The following SLC25A40 variants were observed in gnomAD, a reference collection of about 807,000 sequenced individuals.
SLC25A40 encodes the protein solute carrier family 25 member 40, also known as mitochondrial glutathione transporter SLC25A40.
In SLC25A40, 41 loss-of-function variants were observed where a neutral mutation model predicts 46.5. The observed-to-expected ratio is 0.88, with a 90% confidence interval of 0.69 to 1.14. The LOEUF is 1.14. SLC25A40 is among the 50% of genes most tolerant of loss of function. SLC25A40 has a pLI of 0.00. For synonymous variants in SLC25A40, 126 were observed against 127.5 expected (o/e 0.99, Z 0.08); for missense variants, 386 against 393.6 (o/e 0.98, Z 0.16).
At chr7:87,838,233 C>T (rs1006746862) in intron 10 of SLC25A40, among the ~76,000 whole-genome samples, 4 of 151,452 alleles carry the variant, frequency 2.6e-5, no homozygotes, top group African/African-American at 9.7e-5. Context: ...GCAATTTTTA[C>T]TTCATGTTTA....
chr7:87,844,502 T>C (rs929481037), intron 8 of SLC25A40, among the ~76,000 whole-genome samples: 6 of 152,048 alleles, frequency 3.9e-5, no homozygotes, highest in Non-Finnish European at 7.4e-5. Flanking sequence ...TTCTTTAAAA[T>C]GGGAAAAATG....
Position 87,841,628 on chromosome 7 carries a change from C to A in SLC25A40, c.823+5G>T. ...TTAAAAATATTTTAAATTAATTAAA[C>A]TTACTTTTATGACTTTCATATGTCC... On this transcript the variant is annotated splice_donor_5th_base_variant and intron_variant, in intron 10 of 11. Transcript: ENST00000341119. 2 of 1,460,346 alleles carry A rather than the reference C, an allele frequency of 1.4e-6. No individual in the cohort carries two copies. The highest frequency in any genetic ancestry group is 1.8e-6 in the Non-Finnish European group (2 of 1,096,500). The allele number at this position is 1,460,346 out of a possible 1,614,324, so 90.5% of individuals were successfully genotyped here. A position where few individuals can be genotyped will look rare whatever the true frequency, so the allele number is the denominator to read the frequency against.
intron 4 of SLC25A40, among the ~76,000 whole-genome samples, chr7:87,855,399 G>A (rs968887314): frequency 5.3e-5 from 8 of 152,062 alleles, no homozygotes; most frequent in Non-Finnish European, 1.0e-4. Context: ...TTCTGTATCT[G>A]TACTGTACTG....
intron 10 of SLC25A40, among the ~76,000 whole-genome samples, chr7:87,837,889 A>G (rs773497207): frequency 4.0e-5 from 6 of 151,432 alleles, no homozygotes; most frequent in Non-Finnish European, 7.4e-5. Context: ...TTTACATAGA[A>G]GACAACCCTG....
At chr7:87,865,596 C>T (rs1332093639) in intron 1 of SLC25A40, among the ~76,000 whole-genome samples, 1 of 152,058 alleles carries the variant, frequency 6.6e-6, no homozygotes, top group African/African-American at 2.4e-5. Flanking sequence ...GAGGGCGAAA[C>T]CCCAACTCCG....
At chr7:87,852,810 C>T (rs1338686680) in intron 5 of SLC25A40, among the ~76,000 whole-genome samples, 4 of 152,106 alleles carry the variant, frequency 2.6e-5, no homozygotes, top group Non-Finnish European at 5.9e-5. Context: ...AGTGGACACC[C>T]ATAGGCAGCA....
intron 11 of SLC25A40, 131 bp downstream of exon 11, chr7:87,836,599 A>G (rs1357982758): frequency 5.3e-6 from 3 of 561,446 alleles, no homozygotes; most frequent in Admixed American, 7.9e-5. Flanking sequence ...ATTTTAACTT[A>G]TAATAAAGAT....
rs1419330864 is a variant in SLC25A40, at chr7:87,836,139, GGAAA to G, written c.*106_*109del. 3.5e-6 allele frequency: 2 copies of G among 569,130 alleles called. No homozygotes were observed. The highest frequency in any genetic ancestry group is 2.0e-5 in the African/African-American group (1 of 49,864). The allele number at this position is 569,130 out of a possible 1,614,324, so 35.3% of individuals were successfully genotyped here. A position where few individuals can be genotyped will look rare whatever the true frequency, so the allele number is the denominator to read the frequency against. On this transcript the variant is annotated 3_prime_UTR_variant, in exon 12 of 12. Transcript: ENST00000341119. ...GCTGAAATTATTTATTTAAATTATAGGAAAGAAAGACATAAAATCATTGTGAGAG... is the reference window on the plus strand; with the variant it reads ...GCTGAAATTATTTATTTAAATTATAGGAAAGACATAAAATCATTGTGAGAG...
intron 3 of SLC25A40, among the ~76,000 whole-genome samples, chr7:87,857,111 C>T (rs1357471922): frequency 6.6e-6 from 1 of 152,052 alleles, no homozygotes; most frequent in Non-Finnish European, 1.5e-5. Flanking sequence ...TGTCATTTGG[C>T]TACATCTACA....
rs750196634 is a variant in SLC25A40, at chr7:87,854,207, T to C, written c.261A>G (p.Thr87=). 14 of 1,594,472 alleles carry C rather than the reference T, an allele frequency of 8.8e-6. No homozygotes were observed. The highest frequency in any genetic ancestry group is 1.7e-4 in the Middle Eastern group (1 of 6,046). ...CTAAGGAATATAATCACCTTACCAA[T>C]GTTCCCTGGAAATTTCCTGGCTTCT... The part of the protein sequence containing the change: ...WYKKPGNFQG[T]LDAFFKIIRN... The change falls in exon 5 of 12, where the codon ACA becomes ACG. Residue 87 remains threonine, a synonymous_variant. Transcript: ENST00000341119.
chr7:87,856,985 C>A (rs1838624513), intron 3 of SLC25A40, among the ~76,000 whole-genome samples: 1 of 152,118 alleles, frequency 6.6e-6, no homozygotes, highest in South Asian at 2.1e-4. Flanking sequence ...CTTTATAACT[C>A]AAATTCTGAC....
At chr7:87,871,023 C>T (rs2131025117) in intron 1 of SLC25A40, among the ~76,000 whole-genome samples, 1 of 152,292 alleles carries the variant, frequency 6.6e-6, no homozygotes, top group East Asian at 1.9e-4. Flanking sequence ...GGGTCACAGG[C>T]ATCCCTCTCC....
In SLC25A40 at chr7:87,854,259, TCA is replaced by T; in HGVS notation, c.207_208del (p.Cys69Ter). 1.9e-6 allele frequency: 3 copies of T among 1,613,510 alleles called. No homozygotes were observed. The highest frequency in any genetic ancestry group is 2.5e-6 in the Non-Finnish European group (3 of 1,179,632). On this transcript the variant is annotated stop_gained and frameshift_variant, in exon 5 of 12. Transcript: ENST00000341119. LOFTEE classifies it high-confidence loss of function. ...ATACCATAGTTTGTTGCCTCCCTCT[TCA>T]CAGACACATAGATGATCCATGAGTC...
intron 1 of SLC25A40, among the ~76,000 whole-genome samples, chr7:87,868,278 T>C (rs1031542623): frequency 6.6e-6 from 1 of 152,232 alleles, no homozygotes; most frequent in African/African-American, 2.4e-5. Flanking sequence ...GTATCTGTGA[T>C]ACTCTCAAAC....
At chr7:87,838,724 G>A (rs756993218) in intron 10 of SLC25A40, among the ~76,000 whole-genome samples, 6 of 151,146 alleles carry the variant, frequency 4.0e-5, no homozygotes, top group Admixed American at 6.6e-5. Context: ...ATATCCAGAT[G>A]TATACTCACT....
rs1483314291 is a variant in SLC25A40, at chr7:87,873,459, GTCTCGC to G, written c.-94+2631_-94+2636del. Among the ~76,000 whole-genome samples, 3 of 143,406 alleles carry G rather than the reference GTCTCGC, an allele frequency of 2.1e-5. No individual in the cohort carries two copies. In the East Asian group the frequency reaches 6.1e-4, roughly 29 times the overall value. 94.1% of individuals were successfully genotyped at this position (143,406 alleles called of 152,430 possible). A position where few individuals can be genotyped will look rare whatever the true frequency, so the allele number is the denominator to read the frequency against. On this transcript the variant is annotated intron_variant, in intron 1 of 11. Coordinates refer to ENST00000341119, the MANE Select transcript of SLC25A40 (RefSeq NM_018843.4). ...TTTTTTTTTTTTTTTTTGAGAGGGA[GTCTCGC>G]TCTGTTGCCCACGCTGGAGTGCAGT...
At chr7:87,871,903 T>C (rs911148640) in intron 1 of SLC25A40, among the ~76,000 whole-genome samples, 3 of 152,228 alleles carry the variant, frequency 2.0e-5, no homozygotes, top group Admixed American at 2.0e-4. Flanking sequence ...TGACAGTTAG[T>C]GTACTTCAAG....
At chr7:87,867,244 G>A (rs1838817707) in intron 1 of SLC25A40, among the ~76,000 whole-genome samples, 1 of 151,992 alleles carries the variant, frequency 6.6e-6, no homozygotes. Context: ...CTTAAGATTT[G>A]GTCTTTTGAA....
At chr7:87,853,594 G>A (rs1294880924) in intron 5 of SLC25A40, among the ~76,000 whole-genome samples, 1 of 152,112 alleles carries the variant, frequency 6.6e-6, no homozygotes, top group East Asian at 1.9e-4. Flanking sequence ...TCTATATCAT[G>A]AGCAATAAAA....
Sources: gnomAD v4.1 joint callset for allele counts (sites outside exome capture counted in the v4.1 genomes callset) on GRCh38, gnomAD v4.1.1 for gene constraint, MANE v1.5 for transcripts, NCBI Gene and HGNC (gene_info 2026-07-23, HGNC 2026-07-21) for gene names.